MARS1: variants seen among roughly 807,000 people sequenced by gnomAD.
MARS1 encodes the protein methionyl-tRNA synthetase 1, also known as methionine--tRNA ligase, cytoplasmic.
A neutral mutation model predicts 119.5 loss-of-function variants in MARS1; 80 were observed. The ratio of observed to expected loss-of-function variants is 0.67; its 90% CI spans 0.56 to 0.81. MARS1 has a LOEUF of 0.81. Ranked by LOEUF, MARS1 falls within the 30% of genes least tolerant of loss-of-function variation. MARS1 has a pLI of 0.00. For missense variants in MARS1, 945 were observed against 1,116.5 expected (o/e 0.85, Z 2.19); for synonymous variants, 418 against 433.4 (o/e 0.96, Z 0.44).
Position 57,504,231 on chromosome 12 carries a change from C to A in MARS1, c.1300C>A (p.Gln434Lys), listed in dbSNP as rs1311031453. Residue 434 changes from glutamine to lysine, a missense_variant, in exon 11 of 21, where the codon CAG becomes AAG. By Grantham distance (53) the Gln-to-Lys change is moderately conservative. Transcript: ENST00000262027. ...CTGGAATTTTCCTTCGCAGAAGCCT[C>A]AGTGTAAAGTCTGCCGATCATGCCC... ...LINAVELKKP[Q>K]CKVCRSCPVV... is the part of the protein sequence containing the mutation. 1.2e-6 allele frequency: 2 copies of A among 1,613,902 alleles called. No individual in the cohort carries two copies. The highest frequency in any genetic ancestry group is 1.7e-6 in the Non-Finnish European group (2 of 1,179,780).
chr12:57,513,809 C>T (rs1594834455), intron 15 of MARS1, among the ~76,000 whole-genome samples: 1 of 151,960 alleles, frequency 6.6e-6, no homozygotes, highest in East Asian at 1.9e-4. Context: ...TACTCACTTT[C>T]AGCTTTGGTA....
At chr12:57,494,572 T>C (rs1302651486) in intron 7 of MARS1, among the ~76,000 whole-genome samples, 1 of 147,124 alleles carries the variant, frequency 6.8e-6, no homozygotes, top group Non-Finnish European at 1.5e-5. Flanking sequence ...TTTGGCAGGG[T>C]CATAGGACAA....
rs1252738273 is a variant in MARS1 at position 57,490,243 on chromosome 12, T to A, written c.527T>A (p.Leu176Gln). Residue 176 changes from leucine to glutamine, a missense_variant, in exon 6 of 21, where the codon CTG (leucine) becomes CAG (glutamine). Coordinates refer to ENST00000262027, the MANE Select transcript of MARS1 (RefSeq NM_004990.4). Reference protein sequence around the residue: ...LSALHSWFQTLSTQEPCQRAA... With the variant: ...LSALHSWFQTQSTQEPCQRAA... ...GCCCTGCACAGCTGGTTCCAGACACTGAGTACCCAGGAACCATGTCAGCGA... is the reference window on the plus strand; with the variant it reads ...GCCCTGCACAGCTGGTTCCAGACACAGAGTACCCAGGAACCATGTCAGCGA... 6.2e-7 allele frequency: 1 copy of A among 1,613,790 alleles called. No individual in the cohort carries two copies. Among genetic ancestry groups the A allele is most frequent in the Admixed American group, 1.7e-5 (1 of 60,006 alleles).
At position 57,514,798 on chromosome 12, in the gene MARS1, G is replaced by T. The variant is rs1877699571; in HGVS notation, c.2046G>T (p.Leu682=). ...MVLTPDDQRL[L]AHVTLELQHY... is the part of the protein sequence containing the mutation. ...TCACCCCTGATGATCAGCGCCTGCT[G>T]GCCCATGTCACCCTGGAGCTCCAGC... Residue 682 remains leucine (L), a synonymous_variant, in exon 16 of 21, where the codon CTG becomes CTT. Coordinates refer to ENST00000262027, the MANE Select transcript of MARS1 (RefSeq NM_004990.4). 1.9e-6 allele frequency: 3 copies of T among 1,614,218 alleles called. No individual in the cohort carries two copies. The highest frequency in any genetic ancestry group is 2.5e-6 in the Non-Finnish European group (3 of 1,180,042).
intron 11 of MARS1, among the ~76,000 whole-genome samples, chr12:57,509,958 T>C (rs1877425970): frequency 6.6e-6 from 1 of 152,180 alleles, no homozygotes. Context: ...GTTTAGGATT[T>C]GTTGGCAATC....
At chr12:57,515,437 C>T (rs1364489741) in intron 18 of MARS1, 101 bp downstream of exon 18, 7 of 1,152,498 alleles carry the variant, frequency 6.1e-6, no homozygotes, top group East Asian at 5.1e-5. Flanking sequence ...TTACTTTGGT[C>T]ATGGGACTCC....
chr12:57,499,326 T>C (rs1202919030), intron 9 of MARS1, among the ~76,000 whole-genome samples: 1 of 128,474 alleles, frequency 7.8e-6, no homozygotes, highest in East Asian at 2.2e-4. Context: ...CTGGGCGCGG[T>C]GGCTCACACC....
Position 57,515,066 on chromosome 12 carries a change from A to G in MARS1, c.2204+8A>G, listed in dbSNP as rs760983225. ...AGGCAGTGAGGCTGACAGGTAGGTA[A>G]GCGGGGAGGGTTGGCTAAAGGCATA... On this transcript the variant is annotated splice_region_variant and intron_variant, in intron 17 of 20. Transcript: ENST00000262027. The G allele has an allele frequency of 3.1e-6, 5 of 1,614,054 alleles. No individual in the cohort carries two copies. Among genetic ancestry groups the G allele is most frequent in the East Asian group, 2.2e-5 (1 of 44,902 alleles).
intron 11 of MARS1, among the ~76,000 whole-genome samples, chr12:57,506,598 G>A (rs549269070): frequency 6.6e-6 from 1 of 152,222 alleles, no homozygotes; most frequent in East Asian, 1.9e-4. Flanking sequence ...AATTTTGTTT[G>A]GTCAGGTGTT....
At chr12:57,493,130 CACATT>C (rs1876074904) in intron 7 of MARS1, among the ~76,000 whole-genome samples, 1 of 150,458 alleles carries the variant, frequency 6.6e-6, no homozygotes, top group Admixed American at 6.8e-5. Context: ...TTGTAATTGT[CACATT>C]ACATGTTTGT....
At chr12:57,506,209 T>C (rs1402983243) in intron 11 of MARS1, among the ~76,000 whole-genome samples, 1 of 152,126 alleles carries the variant, frequency 6.6e-6, no homozygotes, top group Non-Finnish European at 1.5e-5. Context: ...CAGTGAGCCA[T>C]GATTGAACCA....
intron 7 of MARS1, among the ~76,000 whole-genome samples, chr12:57,490,907 G>A (rs556025692): frequency 2.6e-5 from 3 of 117,610 alleles, no homozygotes; most frequent in African/African-American, 3.3e-5. Flanking sequence ...GCGGAGTTTC[G>A]CTCTTGTTGC....
chr12:57,507,640 C>T (rs1396177269), intron 11 of MARS1, among the ~76,000 whole-genome samples: 1 of 119,160 alleles, frequency 8.4e-6, no homozygotes, highest in Non-Finnish European at 1.9e-5. Flanking sequence ...CCGGACGGGG[C>T]GGCTGGCCGG....
At chr12:57,507,005 G>A (rs1417080190) in intron 11 of MARS1, among the ~76,000 whole-genome samples, 2 of 150,364 alleles carry the variant, frequency 1.3e-5, no homozygotes, top group Middle Eastern at 3.4e-3. Flanking sequence ...GCGGCCTTCC[G>A]CAGTGTTTGT....
chr12:57,489,751 G>A, intron 4 of MARS1, 145 bp from the exon 5 acceptor site: 5 of 1,058,830 alleles, frequency 4.7e-6, no homozygotes, highest in South Asian at 1.4e-5. Context: ...ATCTCAGTGA[G>A]TTATTGTGAG....
chr12:57,491,772 G>A (rs1475345366), intron 7 of MARS1, among the ~76,000 whole-genome samples: 2 of 152,016 alleles, frequency 1.3e-5, no homozygotes, highest in East Asian at 3.8e-4. Flanking sequence ...TACATACGCA[G>A]TTTTTTCCGT....
Position 57,498,591 on chromosome 12 carries a change from T to A in MARS1, c.1059T>A (p.Ile353=), listed in dbSNP as rs1447677807. 1.2e-6 allele frequency: 2 copies of A among 1,614,146 alleles called. No individual in the cohort carries two copies. Among genetic ancestry groups the A allele is most frequent in the Admixed American group, 3.3e-5 (2 of 60,022 alleles). ...IYRWFNISFD[I]FGRTTTPQQT... Reference sequence around the variant, plus strand: ...GCTGGTTTAACATTTCGTTTGATATTTTTGGTCGCACCACCACTCCACAGC... The same window carrying A: ...GCTGGTTTAACATTTCGTTTGATATATTTGGTCGCACCACCACTCCACAGC... The change falls in exon 9 of 21, where the codon ATT becomes ATA. Residue 353 remains isoleucine (I), a synonymous_variant. Transcript: ENST00000262027.
At position 57,500,400 on chromosome 12, in the gene MARS1, C is replaced by G. The variant is rs1298599869; in HGVS notation, c.1171C>G (p.His391Asp). 1.2e-6 allele frequency: 2 copies of G among 1,614,190 alleles called. No individual in the cohort carries two copies. The highest frequency in any genetic ancestry group is 1.7e-5 in the Admixed American group (1 of 60,014). The change falls in exon 10 of 21, where the codon CAC becomes GAC. Residue 391 changes from histidine (H) to aspartate (D), a missense_variant. His to Asp is a moderately conservative substitution (Grantham distance 81). Coordinates refer to ENST00000262027, the MANE Select transcript of MARS1 (RefSeq NM_004990.4). Reference protein sequence around the residue: ...QDTVEQLRCEHCARFLADRFV... With the variant: ...QDTVEQLRCEDCARFLADRFV... ...TACTGTGGAGCAACTGCGATGTGAGCACTGTGCTCGCTTCCTGGCTGACCG... is the reference window on the plus strand; with the variant it reads ...TACTGTGGAGCAACTGCGATGTGAGGACTGTGCTCGCTTCCTGGCTGACCG...
rs377361080 is a variant in MARS1 at position 57,512,747 on chromosome 12, C to G, written c.1754-4C>G. 3 of 1,612,070 alleles carry G rather than the reference C, an allele frequency of 1.9e-6. No homozygotes were observed. Among genetic ancestry groups the G allele is most frequent in the Non-Finnish European group, 2.5e-6 (3 of 1,178,188 alleles). The stretch of plus-strand genomic sequence containing the variant: ...ATGGTTCTCACTCATTCTCCTCTGT[C>G]CAGAGTACCTGAACTATGAGGATGG... On this transcript the variant is annotated splice_region_variant and splice_polypyrimidine_tract_variant and intron_variant, in intron 14 of 20. Coordinates refer to ENST00000262027, the MANE Select transcript of MARS1 (RefSeq NM_004990.4).
Sources: gnomAD v4.1 joint callset for allele counts (sites outside exome capture counted in the v4.1 genomes callset) on GRCh38, gnomAD v4.1.1 for gene constraint, MANE v1.5 for transcripts, NCBI Gene and HGNC (gene_info 2026-07-23, HGNC 2026-07-21) for gene names.